ASIC2: variants seen among roughly 807,000 people sequenced by gnomAD.
ASIC2 encodes the protein acid sensing ion channel subunit 2.
In ASIC2, 25 loss-of-function variants were observed where a neutral mutation model predicts 57.3. That is an observed-to-expected ratio of 0.44 (90% CI 0.32 to 0.61). The LOEUF (loss-of-function observed/expected upper bound fraction) is 0.61, where lower values mean the gene tolerates loss of function less well. Ranked by LOEUF, ASIC2 falls within the 20% of genes least tolerant of loss-of-function variation. The probability of loss-of-function intolerance (pLI) is 0.06; values close to 1 mark genes in which losing one functional copy is unlikely to be tolerated. For synonymous variants in ASIC2, 319 were observed against 307.5 expected, an observed-to-expected ratio of 1.04 and a Z score of -0.39; for missense variants, 641 against 738.1, an observed-to-expected ratio of 0.87 and a Z score of 1.52.
At chr17:33,279,566 G>A (rs1904853047) in intron 1 of ASIC2, among the ~76,000 whole-genome samples, 1 of 152,104 alleles carries the variant, frequency 6.6e-6, no homozygotes. Flanking sequence ...AGAGGCAATG[G>A]GAGTGAGGTA....
chr17:34,099,152 GAGAGAGAGAGAGAAAGAAAGAA>G (rs1567820878), intron 1 of ASIC2, among the ~76,000 whole-genome samples: 7 of 13,262 alleles, frequency 5.3e-4, no homozygotes, highest in African/African-American at 1.6e-3. Context: ...GAGACAGAGA[GAGAGAGAGAGAGAAAGAAAGAA>G]AGAAAGAAAG....
chr17:33,478,684 A>G (rs60572359), intron 1 of ASIC2, among the ~76,000 whole-genome samples: 1 of 152,298 alleles, frequency 6.6e-6, no homozygotes, highest in African/African-American at 2.4e-5. Context: ...GAGCTGGAAG[A>G]GTCCCTGGGT....
intron 1 of ASIC2, among the ~76,000 whole-genome samples, chr17:33,623,301 AC>A (rs751415825): frequency 1.3e-5 from 2 of 151,634 alleles, no homozygotes; most frequent in Non-Finnish European, 2.9e-5. Context: ...TCTCTCTGTC[AC>A]CAGGTTGGAG....
intron 1 of ASIC2, among the ~76,000 whole-genome samples, chr17:33,762,886 C>G (rs752482930): frequency 3.9e-5 from 6 of 152,182 alleles, no homozygotes; most frequent in Non-Finnish European, 5.9e-5. Flanking sequence ...TCCCTGACTT[C>G]CAGTCCGTTG....
chr17:33,666,653 A>C (rs961179924), intron 1 of ASIC2, among the ~76,000 whole-genome samples: 3 of 151,912 alleles, frequency 2.0e-5, no homozygotes, highest in African/African-American at 7.3e-5. Context: ...GTCCCAGTCC[A>C]CCTCCTCCAC....
intron 1 of ASIC2, among the ~76,000 whole-genome samples, chr17:33,977,971 G>A (rs1905456094): frequency 6.6e-6 from 1 of 152,218 alleles, no homozygotes; most frequent in Non-Finnish European, 1.5e-5. Context: ...TCATGGTGCA[G>A]TATGGAGGTC....
chr17:33,026,022 A>G (rs2091857891), intron 4 of ASIC2, 40 bp from the exon 5 acceptor site: 1 of 1,605,796 alleles, frequency 6.2e-7, no homozygotes, highest in Non-Finnish European at 8.5e-7. Flanking sequence ...CTCAGGCAGG[A>G]ACATTCATGT....
chr17:33,878,173 A>G (rs1336387500), intron 1 of ASIC2, among the ~76,000 whole-genome samples: 1 of 152,210 alleles, frequency 6.6e-6, no homozygotes, highest in African/African-American at 2.4e-5. Context: ...CAGAGCAGAA[A>G]AACTGAAAAT....
intron 1 of ASIC2, among the ~76,000 whole-genome samples, chr17:33,276,106 A>T (rs1366700086): frequency 6.6e-6 from 1 of 152,118 alleles, no homozygotes; most frequent in Non-Finnish European, 1.5e-5. Context: ...GGGGAGATTG[A>T]CTTGATGACT....
At chr17:33,354,322 C>T (rs375136648) in intron 1 of ASIC2, among the ~76,000 whole-genome samples, 24 of 152,270 alleles carry the variant, frequency 1.6e-4, no homozygotes, top group African/African-American at 5.8e-4. Flanking sequence ...TCTCCATCCC[C>T]ACTATGAGCC....
chr17:33,773,990 T>G (rs767398913), intron 1 of ASIC2, among the ~76,000 whole-genome samples: 1 of 152,098 alleles, frequency 6.6e-6, no homozygotes, highest in Non-Finnish European at 1.5e-5. Context: ...CTTCTCGACC[T>G]TCCTGGGAAG....
chr17:34,147,320 C>A (rs1912446896), intron 1 of ASIC2, among the ~76,000 whole-genome samples: 1 of 152,196 alleles, frequency 6.6e-6, no homozygotes, highest in African/African-American at 2.4e-5. Context: ...TAAATCCAGG[C>A]AAATACGTTG....
At chr17:33,886,491 T>G (rs1413728190) in intron 1 of ASIC2, among the ~76,000 whole-genome samples, 1 of 152,102 alleles carries the variant, frequency 6.6e-6, no homozygotes, top group Non-Finnish European at 1.5e-5. Context: ...CAGTCTGACA[T>G]GCAATCCTCA....
At chr17:33,731,674 C>T (rs749575084) in intron 1 of ASIC2, among the ~76,000 whole-genome samples, 1 of 152,238 alleles carries the variant, frequency 6.6e-6, no homozygotes, top group Non-Finnish European at 1.5e-5. Context: ...GCTGAGCTAA[C>T]TGAAGGTCTT....
chr17:33,024,673 C>T lies in ASIC2; in HGVS notation c.1196-659G>A, dbSNP rs574545578. On this transcript the variant is annotated intron_variant, in intron 5 of 9. Coordinates refer to ENST00000225823, the MANE Select transcript of ASIC2 (RefSeq NM_183377.2). ...GACCTTGGCCCCCATCCATGCTGGGCGGGCCTAGCCCAGTTTTAGCAAGAA... is the reference window on the plus strand; with the variant it reads ...GACCTTGGCCCCCATCCATGCTGGGTGGGCCTAGCCCAGTTTTAGCAAGAA... Among the ~76,000 whole-genome samples, 117 of 152,294 alleles carry T rather than the reference C, an allele frequency of 7.7e-4. 1 individual carries two copies. The highest frequency in any genetic ancestry group is 3.7e-3 in the South Asian group (18 of 4,826).
intron 1 of ASIC2, among the ~76,000 whole-genome samples, chr17:33,968,009 C>T (rs1172399691): frequency 6.6e-6 from 1 of 152,176 alleles, no homozygotes; most frequent in Non-Finnish European, 1.5e-5. Context: ...TTATTACCCC[C>T]ATTTTACAGA....
chr17:33,770,160 G>T (rs148098134), intron 1 of ASIC2, among the ~76,000 whole-genome samples: 1 of 152,310 alleles, frequency 6.6e-6, no homozygotes, highest in Non-Finnish European at 1.5e-5. Flanking sequence ...CAGCTCTGTG[G>T]TGGAATGTGG....
chr17:33,954,727 T>C (rs1379094485), intron 1 of ASIC2, among the ~76,000 whole-genome samples: 2 of 152,198 alleles, frequency 1.3e-5, no homozygotes, highest in African/African-American at 4.8e-5. Flanking sequence ...CTGAGTCTAT[T>C]TGAGATGTCT....
intron 1 of ASIC2, among the ~76,000 whole-genome samples, chr17:34,106,792 G>C (rs1319257349): frequency 6.6e-6 from 1 of 152,140 alleles, no homozygotes; most frequent in Non-Finnish European, 1.5e-5. Context: ...TACATAGTGA[G>C]ATATTCCAGG....
Sources: allele counts gnomAD v4.1 joint callset (sites outside exome capture counted in the v4.1 genomes callset), GRCh38; gene constraint gnomAD v4.1.1; transcripts MANE v1.5; gene names NCBI Gene and HGNC (gene_info 2026-07-23, HGNC 2026-07-21).